The following CACNA1E variants were observed in gnomAD, a reference collection of about 807,000 sequenced individuals.
The protein encoded by CACNA1E is calcium voltage-gated channel subunit alpha1 E, also known as voltage-dependent R-type calcium channel subunit alpha-1E.
CACNA1E carries 40 observed loss-of-function variants against 259.2 expected under a neutral mutation model. The ratio of observed to expected loss-of-function variants is 0.15; its 90% confidence interval spans 0.12 to 0.20. CACNA1E has a LOEUF of 0.20. CACNA1E is among the 10% of genes least tolerant of loss of function. CACNA1E has a pLI of 1.00. For missense variants in CACNA1E, 1,874 were observed against 3,040.1 expected (o/e 0.62, Z 9.02); for synonymous variants, 1,104 against 1,138.5 (o/e 0.97, Z 0.61).
intron 1 of CACNA1E, among the ~76,000 whole-genome samples, chr1:181,325,433 G>A (rs951511184): frequency 6.6e-6 from 1 of 152,110 alleles, no homozygotes; most frequent in Admixed American, 6.5e-5. Context: ...CTGTCCCAAG[G>A]TGTGGTTCCC....
intron 1 of CACNA1E, among the ~76,000 whole-genome samples, chr1:181,334,292 A>G (rs1326148166): frequency 6.6e-6 from 1 of 152,208 alleles, no homozygotes; most frequent in African/African-American, 2.4e-5. Context: ...TGAGCCTTGG[A>G]TACCCCAGGG....
chr1:181,484,895 G>A (rs1209788812), intron 1 of CACNA1E, among the ~76,000 whole-genome samples: 1 of 152,234 alleles, frequency 6.6e-6, no homozygotes, highest in Admixed American at 6.5e-5. Context: ...AGCACTGGTG[G>A]GGGCCATCTC....
At chr1:181,597,939 G>A (rs561392753) in intron 6 of CACNA1E, among the ~76,000 whole-genome samples, 7 of 152,280 alleles carry the variant, frequency 4.6e-5, no homozygotes, top group Admixed American at 2.0e-4. Context: ...CCCACGACAC[G>A]TGGGAACTGT....
intron 6 of CACNA1E, among the ~76,000 whole-genome samples, chr1:181,599,006 A>G (rs1038479783): frequency 6.6e-6 from 1 of 151,606 alleles, no homozygotes; most frequent in Non-Finnish European, 1.5e-5. Flanking sequence ...CAGGTTTGTT[A>G]CATAGGTAAA....
chr1:181,757,928 A>T lies in CACNA1E; in HGVS notation c.4330-19A>T. The T allele has an allele frequency of 6.2e-7, 1 of 1,612,936 alleles. No homozygotes were observed. Among genetic ancestry groups the T allele is most frequent in the Non-Finnish European group, 8.5e-7 (1 of 1,179,270 alleles). On this transcript the variant is annotated intron_variant, in intron 30 of 47. Coordinates refer to ENST00000367573, the MANE Select transcript of CACNA1E (RefSeq NM_001205293.3). ...CTAGGGGATTTGAATTTGTGCTAATAACCATGACTTTCTTGCAGAGGGCGT... is the reference window on the plus strand; with the variant it reads ...CTAGGGGATTTGAATTTGTGCTAATTACCATGACTTTCTTGCAGAGGGCGT...
chr1:181,415,357 C>CG (rs1658185792), intron 2 of CACNA1E, among the ~76,000 whole-genome samples: 1 of 152,144 alleles, frequency 6.6e-6, no homozygotes, highest in South Asian at 2.1e-4. Context: ...GGGGTGCTGG[C>CG]GGGGATGATT....
intron 6 of CACNA1E, among the ~76,000 whole-genome samples, chr1:181,618,259 G>T (rs1655409875): frequency 6.6e-6 from 1 of 152,192 alleles, no homozygotes; most frequent in Non-Finnish European, 1.5e-5. Flanking sequence ...CACAGTGGTA[G>T]AGGGGACTTC....
intron 3 of CACNA1E, among the ~76,000 whole-genome samples, chr1:181,550,830 G>C (rs914745750): frequency 6.6e-6 from 1 of 151,958 alleles, no homozygotes. Flanking sequence ...AGTCATCTTT[G>C]GGCAGTTTGT....
chr1:181,336,976 TATAG>T (rs888337307), intron 1 of CACNA1E, among the ~76,000 whole-genome samples: 5 of 148,888 alleles, frequency 3.4e-5, no homozygotes, highest in African/African-American at 1.2e-4. Context: ...AAATATATAA[TATAG>T]ATATTTATAT....
At chr1:181,728,728 G>A (rs2102525860) in intron 18 of CACNA1E, among the ~76,000 whole-genome samples, 1 of 152,102 alleles carries the variant, frequency 6.6e-6, no homozygotes, top group East Asian at 1.9e-4. Context: ...ACAGGTATGT[G>A]TACAATGCTC....
At chr1:181,436,751 A>G (rs1334403314) in intron 2 of CACNA1E, among the ~76,000 whole-genome samples, 1 of 132,608 alleles carries the variant, frequency 7.5e-6, no homozygotes, top group Non-Finnish European at 1.7e-5. Context: ...AGGGTACAAC[A>G]TTTTAGTTAG....
At chr1:181,514,628 C>T (rs560986509) in intron 3 of CACNA1E, among the ~76,000 whole-genome samples, 59 of 152,270 alleles carry the variant, frequency 3.9e-4, no homozygotes, top group African/African-American at 1.3e-3. Flanking sequence ...ATTTTCCCCT[C>T]TGCACAGGAG....
At chr1:181,444,866 C>T (rs116167286) in intron 2 of CACNA1E, among the ~76,000 whole-genome samples, 126 of 152,212 alleles carry the variant, frequency 8.3e-4, no homozygotes, top group African/African-American at 2.9e-3. Flanking sequence ...TTGGAGTCCC[C>T]TGGGGTTGCT....
chr1:181,732,299 T>C lies in CACNA1E; in HGVS notation c.2298-85T>C. The C allele has an allele frequency of 3.5e-6, 5 of 1,442,880 alleles. No individual in the cohort carries two copies. Among genetic ancestry groups the C allele is most frequent in the Middle Eastern group, 4.2e-4 (2 of 4,762 alleles). The allele number at this position is 1,442,880 out of a possible 1,614,324, so 89.4% of individuals were successfully genotyped here. ...TCCCATTTGCCCCCACCATGTGTCC[T>C]GCCCTCTCACATGGCCCCTGTGGCC... On this transcript the variant is annotated intron_variant, in intron 19 of 47. Coordinates refer to ENST00000367573, the MANE Select transcript of CACNA1E (RefSeq NM_001205293.3). This position sits in a 1 kb window ranked among gnomAD's most constrained non-coding sequence, Gnocchi z 5.5.
intron 7 of CACNA1E, among the ~76,000 whole-genome samples, chr1:181,657,974 A>G (rs997722642): frequency 2.0e-5 from 3 of 152,254 alleles, no homozygotes; most frequent in African/African-American, 7.2e-5. Flanking sequence ...TCTGGCCCCC[A>G]GAGAAGCCTG....
rs1427008603 is a variant in CACNA1E, at chr1:181,785,752, C to T, written c.5719C>T (p.Leu1907=). 1.2e-6 allele frequency: 2 copies of T among 1,613,430 alleles called. No individual in the cohort carries two copies. The highest frequency in any genetic ancestry group is 1.7e-6 in the Non-Finnish European group (2 of 1,179,744). ...PMFQRMEPSS[L]PQEIIANAKA... ...GTTCCAGCGCATGGAGCCTTCATCTCTGCCTCAGGAGATCATTGCTAATGC... is the reference window on the plus strand; with the variant it reads ...GTTCCAGCGCATGGAGCCTTCATCTTTGCCTCAGGAGATCATTGCTAATGC... The change falls in exon 43 of 48, where the codon CTG becomes TTG. Residue 1907 remains leucine, a synonymous_variant. Coordinates refer to ENST00000367573, the MANE Select transcript of CACNA1E (RefSeq NM_001205293.3).
chr1:181,409,432 CTG>C (rs1327724393), intron 1 of CACNA1E, among the ~76,000 whole-genome samples: 1 of 152,188 alleles, frequency 6.6e-6, no homozygotes, highest in Non-Finnish European at 1.5e-5. Flanking sequence ...GTACATCCTA[CTG>C]TGTGCCCAAG....
intron 32 of CACNA1E, among the ~76,000 whole-genome samples, chr1:181,760,468 G>A (rs1558357188): frequency 1.3e-5 from 2 of 152,134 alleles, no homozygotes; most frequent in Non-Finnish European, 2.9e-5. Context: ...TATTTTAAAT[G>A]AGGAAATTGA....
intron 6 of CACNA1E, among the ~76,000 whole-genome samples, chr1:181,597,479 A>AT (rs1197128370): frequency 7.9e-5 from 12 of 152,194 alleles, no homozygotes; most frequent in Admixed American, 2.0e-4. Flanking sequence ...ATGTTAAATA[A>AT]TACCGAAAAT....
Sources: allele counts gnomAD v4.1 joint callset (sites outside exome capture counted in the v4.1 genomes callset), GRCh38; gene constraint gnomAD v4.1.1; non-coding constraint Gnocchi (gnomAD v3.1); transcripts MANE v1.5; gene names NCBI Gene and HGNC (gene_info 2026-07-23, HGNC 2026-07-21).